Variants in MACF1 observed in about 807,000 individuals in gnomAD.
MACF1 encodes the protein microtubule actin crosslinking factor 1.
Under a neutral mutation model 854.8 loss-of-function variants are expected in MACF1, and 193 were observed. The ratio of observed to expected loss-of-function variants is 0.23; its 90% CI spans 0.20 to 0.25. The LOEUF is 0.25. Among genes scored for constraint, MACF1 ranks in the 10% least tolerant of loss-of-function variants. The pLI is 1.00. For synonymous variants in MACF1, 3,185 were observed against 3,226.7 expected, an observed-to-expected ratio of 0.99 and a Z score of 0.44; for missense variants, 7,722 against 8,929.1, an observed-to-expected ratio of 0.86 and a Z score of 5.45.
At chr1:39,433,007 A>G in intron 67 of MACF1, 41 bp from the exon 68 acceptor site, 1 of 1,267,850 alleles carries the variant, frequency 7.9e-7, no homozygotes, top group Non-Finnish European at 1.1e-6. Context: ...ATAACAGGAA[A>G]AGGGTCTTTT....
At chr1:39,431,923 C>G (rs1643881809) in intron 66 of MACF1, among the ~76,000 whole-genome samples, 1 of 152,220 alleles carries the variant, frequency 6.6e-6, no homozygotes, top group Admixed American at 6.5e-5. Context: ...CTGCAGTGAG[C>G]TATGATTGTG....
chr1:39,087,845 T>C (rs1341543583), intron 2 of MACF1, among the ~76,000 whole-genome samples: 1 of 152,118 alleles, frequency 6.6e-6, no homozygotes, highest in African/African-American at 2.4e-5. Context: ...CAATCTCAAC[T>C]CACTGCAACC....
chr1:39,310,784 ATCT>A (rs1646284636), intron 25 of MACF1, 44 bp from the exon 26 acceptor site: 1 of 1,548,744 alleles, frequency 6.5e-7, no homozygotes, highest in Non-Finnish European at 8.7e-7. Flanking sequence ...AGGTCTGCTT[ATCT>A]CTGATGTCGA....
chr1:39,291,274 G>A (rs1475462178), intron 15 of MACF1, among the ~76,000 whole-genome samples: 1 of 152,216 alleles, frequency 6.6e-6, no homozygotes. Flanking sequence ...ACTGCGCCTG[G>A]CAATCGTAAC....
intron 58 of MACF1, among the ~76,000 whole-genome samples, chr1:39,403,847 G>A (rs976529948): frequency 2.0e-5 from 3 of 152,042 alleles, no homozygotes; most frequent in Admixed American, 1.3e-4. Flanking sequence ...TGGGCGGGGG[G>A]GCCGGGCTTC....
At chr1:39,151,987 T>G (rs2148196888) in intron 2 of MACF1, among the ~76,000 whole-genome samples, 1 of 152,218 alleles carries the variant, frequency 6.6e-6, no homozygotes, top group East Asian at 1.9e-4. Context: ...TTTTTATTTT[T>G]TTTTAAGACG....
chr1:39,185,582 A>AT (rs1278670921), intron 2 of MACF1, among the ~76,000 whole-genome samples: 1 of 152,116 alleles, frequency 6.6e-6, no homozygotes, highest in East Asian at 1.9e-4. Context: ...AACAACTATA[A>AT]TTTGAAAGGG....
chr1:39,329,751 A>G (rs1646684268), intron 36 of MACF1, among the ~76,000 whole-genome samples: 1 of 152,202 alleles, frequency 6.6e-6, no homozygotes, highest in African/African-American at 2.4e-5. Context: ...TAAAATCTGA[A>G]TGTATTATTC....
chr1:39,329,398 G>T (rs956797246), intron 36 of MACF1, among the ~76,000 whole-genome samples: 4 of 152,118 alleles, frequency 2.6e-5, no homozygotes, highest in African/African-American at 9.7e-5. Context: ...GATTTTAAGG[G>T]TTTCCTTATT....
chr1:39,480,278 T>C (rs1476665005), intron 98 of MACF1, among the ~76,000 whole-genome samples: 1 of 152,218 alleles, frequency 6.6e-6, no homozygotes. Flanking sequence ...TATTTCCTCA[T>C]GTTCTCAGTT....
rs36028217 is a variant in MACF1 at position 39,477,999 on chromosome 1, A to ATTTT, written c.21959-1781_21959-1778dup. Among the ~76,000 whole-genome samples the ATTTT allele has an allele frequency of 1.6e-3, 160 of 101,848 alleles. 3 individuals carry two copies. Among genetic ancestry groups the ATTTT allele is most frequent in the African/African-American group, 5.5e-3 (145 of 26,550 alleles). The allele number at this position is 101,848 out of a possible 152,430, so 66.8% of individuals were successfully genotyped here. A position where few individuals can be genotyped will look rare whatever the true frequency, so the allele number is the denominator to read the frequency against. ...CCTGGCAGAGTTTGCTCAGAAGTGA[A>ATTTT]TTTTTTTTTTTTTTTTTTTTTGAGA... On this transcript the variant is annotated intron_variant, in intron 97 of 100. Coordinates refer to ENST00000564288, the MANE Select transcript of MACF1 (RefSeq NM_001394062.1).
At chr1:39,383,706 T>C (rs1392704637) in intron 56 of MACF1, among the ~76,000 whole-genome samples, 1 of 152,004 alleles carries the variant, frequency 6.6e-6, no homozygotes, top group Non-Finnish European at 1.5e-5. Context: ...TGAAACCCTG[T>C]TTCTACTAAA....
rs1269255836 is a variant in MACF1 at position 39,434,507 on chromosome 1, A to G, written c.17659A>G (p.Asn5887Asp). 10 of 1,613,950 alleles carry G rather than the reference A, an allele frequency of 6.2e-6. No homozygotes were observed. Among genetic ancestry groups the G allele is most frequent in the South Asian group, 3.3e-5 (3 of 91,084 alleles). The change falls in exon 69 of 101, where the codon AAC becomes GAC. Residue 5887 changes from asparagine (N) to aspartate (D), a missense_variant. Physicochemically the swap from Asn to Asp is conservative, Grantham distance 23 (BLOSUM62 1). Transcript: ENST00000564288. ...CCTAGAGCGGGCCCAGGTCTTAGTAAACCAGTTTTGGGAAACTTATGAAGA... is the reference window on the plus strand; with the variant it reads ...CCTAGAGCGGGCCCAGGTCTTAGTAGACCAGTTTTGGGAAACTTATGAAGA... ...ARLERAQVLV[N>D]QFWETYEELS...
intron 6 of MACF1, among the ~76,000 whole-genome samples, chr1:39,276,281 A>C (rs1287033493): frequency 6.6e-6 from 1 of 152,116 alleles, no homozygotes; most frequent in African/African-American, 2.4e-5. Flanking sequence ...TGATGAGGTC[A>C]GCTAGAAACT....
chr1:39,339,705 T>C (rs149312884), intron 38 of MACF1, among the ~76,000 whole-genome samples: 1 of 152,202 alleles, frequency 6.6e-6, no homozygotes, highest in African/African-American at 2.4e-5. Flanking sequence ...AAGGGAGAAC[T>C]TGAAGTTAGA....
intron 2 of MACF1, among the ~76,000 whole-genome samples, chr1:39,244,718 A>G (rs553665357): frequency 6.6e-6 from 1 of 152,080 alleles, no homozygotes; most frequent in Non-Finnish European, 1.5e-5. Flanking sequence ...AGCTAGGATT[A>G]TAGGCGTGTG....
intron 6 of MACF1, among the ~76,000 whole-genome samples, chr1:39,264,162 A>G (rs1645202500): frequency 6.6e-6 from 1 of 152,208 alleles, no homozygotes; most frequent in Admixed American, 6.5e-5. Context: ...ATTTAATTGT[A>G]TGAATAAAAC....
At chr1:39,381,378 T>TTTGTGG (rs1553330389) in intron 55 of MACF1, among the ~76,000 whole-genome samples, 1 of 101,958 alleles carries the variant, frequency 9.8e-6, no homozygotes, top group Admixed American at 1.1e-4. Context: ...TTTTTTTTTT[T>TTTGTGG]GGGGGGGGGG....
chr1:39,374,555 A>G (rs1649545813), intron 52 of MACF1, among the ~76,000 whole-genome samples: 2 of 152,184 alleles, frequency 1.3e-5, no homozygotes, highest in Non-Finnish European at 2.9e-5. Flanking sequence ...CCAGATAGTA[A>G]CTATTTTAGG....
Sources: gnomAD v4.1 joint callset for allele counts (sites outside exome capture counted in the v4.1 genomes callset) on GRCh38, gnomAD v4.1.1 for gene constraint, MANE v1.5 for transcripts, NCBI Gene and HGNC (gene_info 2026-07-23, HGNC 2026-07-21) for gene names.